Variants in C10orf67 observed in about 807,000 individuals in gnomAD.
C10orf67 encodes chromosome 10 open reading frame 67, also known as uncharacterized protein C10orf67, mitochondrial.
A neutral mutation model predicts 35.6 loss-of-function variants in C10orf67; 60 were observed. That is an observed-to-expected ratio of 1.68 (90% CI 1.37 to 2.09). The LOEUF (loss-of-function observed/expected upper bound fraction) is 2.09, where lower values mean the gene tolerates loss of function less well. Ranked by LOEUF, C10orf67 falls within the 30% of genes most tolerant of loss-of-function variation. C10orf67 has a pLI of 0.00. For synonymous variants in C10orf67, 167 were observed against 115.8 expected, an observed-to-expected ratio of 1.44 and a Z score of -2.84; for missense variants, 474 against 330.2, an observed-to-expected ratio of 1.44 and a Z score of -3.38.
intron 12 of C10orf67, among the ~76,000 whole-genome samples, chr10:23,243,077 C>T (rs534690231): frequency 6.6e-6 from 1 of 152,146 alleles, no homozygotes; most frequent in African/African-American, 2.4e-5. Flanking sequence ...GTTAAGCAGA[C>T]ATTAAGCTAA....
At chr10:23,247,609 A>G (rs1490828037) in intron 12 of C10orf67, among the ~76,000 whole-genome samples, 1 of 152,248 alleles carries the variant, frequency 6.6e-6, no homozygotes, top group South Asian at 2.1e-4. Flanking sequence ...ATATGAGGAT[A>G]TTATGAATAA....
At chr10:23,320,244 A>AATATAGTT (rs762522576) in intron 4 of C10orf67, among the ~76,000 whole-genome samples, 10 of 152,224 alleles carry the variant, frequency 6.6e-5, no homozygotes, top group Non-Finnish European at 5.9e-5. Context: ...GCGAAGTGAG[A>AATATAGTT]ATATAGTTAT....
At chr10:23,226,506 A>G (rs1841746298) in intron 13 of C10orf67, among the ~76,000 whole-genome samples, 2 of 152,144 alleles carry the variant, frequency 1.3e-5, no homozygotes, top group Admixed American at 1.3e-4. Flanking sequence ...TAAAATTGAC[A>G]CCCCAACCTC....
chr10:23,250,758 GA>G (rs1292658594), intron 10 of C10orf67, 67 bp from the exon 11 acceptor site: 1 of 397,432 alleles, frequency 2.5e-6, no homozygotes, highest in Non-Finnish European at 4.4e-6. Context: ...CCATAAATCT[GA>G]AAAGACTATT....
intron 15 of C10orf67, among the ~76,000 whole-genome samples, chr10:23,219,266 T>C (rs956809200): frequency 6.6e-6 from 1 of 152,226 alleles, no homozygotes; most frequent in African/African-American, 2.4e-5. Context: ...GTGTTTCAGA[T>C]ACTGATGTTT....
intron 6 of C10orf67, 99 bp from the exon 7 acceptor site, chr10:23,290,057 G>A: frequency 1.5e-6 from 1 of 668,166 alleles, no homozygotes; most frequent in South Asian, 1.7e-5. Flanking sequence ...GCACTAGCAG[G>A]CATAGTGGAC....
At chr10:23,279,438 G>A (rs1389833613) in intron 8 of C10orf67, among the ~76,000 whole-genome samples, 3 of 152,232 alleles carry the variant, frequency 2.0e-5, no homozygotes, top group East Asian at 1.9e-4. Flanking sequence ...GGCATGCCTC[G>A]GAGGGAACGC....
In C10orf67 at chr10:23,265,920, G is replaced by A. The variant is rs560471351; in HGVS notation, c.1200+342C>T. ...GACTGGCTACCTGTGTGTCCTTCCC[G>A]GAATCTTCTGATGACACTGGGCAGT... On this transcript the variant is annotated intron_variant, in intron 10 of 15. Transcript: ENST00000636213. Among the ~76,000 whole-genome samples the A allele has an allele frequency of 4.8e-4, 73 of 152,264 alleles. 1 individual carries two copies. The highest frequency in any genetic ancestry group is 1.6e-3 in the African/African-American group (68 of 41,550).
At chr10:23,303,175 G>A (rs960437641) in intron 5 of C10orf67, 129 bp downstream of exon 5, 1 of 376,800 alleles carries the variant, frequency 2.7e-6, no homozygotes, top group Non-Finnish European at 4.8e-6. Context: ...GAGTTAGACT[G>A]GCTTATATTA....
chr10:23,291,076 GCTTTA>G, intron 6 of C10orf67, 51 bp downstream of exon 6: 1 of 661,706 alleles, frequency 1.5e-6, no homozygotes, highest in Non-Finnish European at 2.8e-6. Context: ...ATAGTTATGA[GCTTTA>G]CAAAGTGACC....
Position 23,223,829 on chromosome 10 carries a change from C to A in C10orf67, c.1435-11G>T, listed in dbSNP as rs766225044. On this transcript the variant is annotated splice_polypyrimidine_tract_variant and intron_variant, in intron 13 of 15. Coordinates refer to ENST00000636213, the MANE Select transcript of C10orf67 (RefSeq NM_001371909.1). Reference sequence around the variant, plus strand: ...TAAGGGTTTTACTTTCTGAAAGACACAAAAGATATGTACTGTGTTATCAGG... The same window carrying A: ...TAAGGGTTTTACTTTCTGAAAGACAAAAAAGATATGTACTGTGTTATCAGG... 1.4e-6 allele frequency: 1 copy of A among 714,936 alleles called. No homozygotes were observed. Among genetic ancestry groups the A allele is most frequent in the South Asian group, 1.5e-5 (1 of 67,484 alleles). 44.3% of individuals were successfully genotyped at this position (714,936 alleles called of 1,614,324 possible). A position where few individuals can be genotyped will look rare whatever the true frequency, so the allele number is the denominator to read the frequency against.
chr10:23,268,253 C>G (rs1053858766), intron 8 of C10orf67, among the ~76,000 whole-genome samples: 1 of 152,148 alleles, frequency 6.6e-6, no homozygotes, highest in Non-Finnish European at 1.5e-5. Context: ...TGTGATTGTG[C>G]CACTGCACTC....
chr10:23,247,874 C>T (rs1430467780), intron 12 of C10orf67, among the ~76,000 whole-genome samples: 1 of 152,176 alleles, frequency 6.6e-6, no homozygotes, highest in Non-Finnish European at 1.5e-5. Context: ...TTCCTTCTTT[C>T]TTTACCTGTG....
intron 15 of C10orf67, among the ~76,000 whole-genome samples, chr10:23,211,209 G>A (rs1016537664): frequency 6.6e-6 from 1 of 151,980 alleles, no homozygotes; most frequent in African/African-American, 2.4e-5. Flanking sequence ...GCTTCAGATC[G>A]TGGCCACCAA....
At chr10:23,309,785 G>A (rs1354977221) in intron 4 of C10orf67, among the ~76,000 whole-genome samples, 1 of 152,146 alleles carries the variant, frequency 6.6e-6, no homozygotes, top group Non-Finnish European at 1.5e-5. Context: ...TGGACTTCAG[G>A]ACAGGGAGGG....
At chr10:23,232,693 T>A (rs1321918889) in intron 13 of C10orf67, among the ~76,000 whole-genome samples, 1 of 151,890 alleles carries the variant, frequency 6.6e-6, no homozygotes, top group Non-Finnish European at 1.5e-5. Context: ...TGAAGGGAGG[T>A]ACAAACCAGA....
At chr10:23,242,384 G>C (rs1842207094) in intron 12 of C10orf67, among the ~76,000 whole-genome samples, 1 of 152,152 alleles carries the variant, frequency 6.6e-6, no homozygotes, top group South Asian at 2.1e-4. Flanking sequence ...AAGAAAAGCT[G>C]AGAGAATTAT....
chr10:23,222,250 T>C (rs1210721362), intron 15 of C10orf67, among the ~76,000 whole-genome samples: 6 of 152,164 alleles, frequency 3.9e-5, no homozygotes, highest in African/African-American at 1.4e-4. Flanking sequence ...CAAAATTTAT[T>C]TGTGTTACTT....
rs146466211 is a variant in C10orf67 at position 23,301,324 on chromosome 10, C to T, written c.702+1980G>A. 3.3e-4 allele frequency among the ~76,000 whole-genome samples: 50 copies of T among 152,174 alleles called. 1 individual carries two copies. In the East Asian group the frequency reaches 8.3e-3, roughly 25 times the overall value. ...CTCCAGGCAGACCAATATCCCCAAC[C>T]CAGAAGTGTTGGGGGTTGTTAGAAA... On this transcript the variant is annotated intron_variant, in intron 5 of 15. Transcript: ENST00000636213.
Sources: gnomAD v4.1 joint callset for allele counts (sites outside exome capture counted in the v4.1 genomes callset) on GRCh38, gnomAD v4.1.1 for gene constraint, MANE v1.5 for transcripts, NCBI Gene and HGNC (gene_info 2026-07-23, HGNC 2026-07-21) for gene names.